KCNQ5: variants seen among roughly 807,000 people sequenced by gnomAD.
KCNQ5 encodes the protein potassium voltage-gated channel subfamily KQT member 5.
In KCNQ5, 30 loss-of-function variants were observed where a neutral mutation model predicts 98.2. The ratio of observed to expected loss-of-function variants is 0.31; its 90% CI spans 0.23 to 0.41. The LOEUF (loss-of-function observed/expected upper bound fraction) is 0.41, where lower values mean the gene tolerates loss of function less well. Ranked by LOEUF, KCNQ5 falls within the 10% of genes least tolerant of loss-of-function variation. The probability of loss-of-function intolerance (pLI) is 1.00; values close to 1 mark genes in which losing one functional copy is unlikely to be tolerated. For missense variants in KCNQ5, 835 were observed against 1,182.5 expected (o/e 0.71, Z 4.31); for synonymous variants, 458 against 449.4 (o/e 1.02, Z -0.24).
chr6:73,012,517 C>T (rs1770115360), intron 2 of KCNQ5, among the ~76,000 whole-genome samples: 1 of 151,910 alleles, frequency 6.6e-6, no homozygotes. Flanking sequence ...TTCAGCATTA[C>T]AAGAAGAAAA....
chr6:72,693,148 G>A (rs1364626500), intron 1 of KCNQ5, among the ~76,000 whole-genome samples: 2 of 152,102 alleles, frequency 1.3e-5, no homozygotes, highest in Non-Finnish European at 2.9e-5. Context: ...GGAAATGGGT[G>A]GGAGAACCCA....
chr6:72,680,618 ATAGATAACCATTTTT>A (rs1462452117), intron 1 of KCNQ5, among the ~76,000 whole-genome samples: 1 of 152,216 alleles, frequency 6.6e-6, no homozygotes, highest in East Asian at 1.9e-4. Flanking sequence ...TATTTAGGCA[ATAGATAACCATTTTT>A]TTACTCGTTA....
intron 2 of KCNQ5, among the ~76,000 whole-genome samples, chr6:73,029,899 C>T (rs1335192390): frequency 3.0e-5 from 3 of 100,112 alleles, no homozygotes; most frequent in African/African-American, 1.0e-4. Context: ...AGCCAGACTC[C>T]GTCTCAAAAA....
chr6:72,937,600 G>C (rs1034587018), intron 1 of KCNQ5, among the ~76,000 whole-genome samples: 34 of 152,158 alleles, frequency 2.2e-4, no homozygotes, highest in African/African-American at 8.2e-4. Context: ...AAAGCAGGTG[G>C]ATTGTGCATC....
chr6:72,720,917 T>G (rs927059703), intron 1 of KCNQ5, among the ~76,000 whole-genome samples: 1 of 152,226 alleles, frequency 6.6e-6, no homozygotes, highest in African/African-American at 2.4e-5. Context: ...TAAATGATTG[T>G]AGATTTTATA....
intron 2 of KCNQ5, among the ~76,000 whole-genome samples, chr6:73,012,900 A>C (rs1770151387): frequency 6.6e-6 from 1 of 152,040 alleles, no homozygotes; most frequent in Non-Finnish European, 1.5e-5. Flanking sequence ...CCTACTTCAT[A>C]AGGCTGATGT....
chr6:72,941,666 CTCTTTCTTTCTTTCTTTCTT>C lies in KCNQ5; in HGVS notation c.399-62176_399-62157del, dbSNP rs11266961. Among the ~76,000 whole-genome samples, 125 of 83,152 alleles carry C rather than the reference CTCTTTCTTTCTTTCTTTCTT, an allele frequency of 1.5e-3. 2 individuals are homozygous for C. The highest frequency in any genetic ancestry group is 3.5e-3 in the African/African-American group (72 of 20,440). 54.6% of individuals were successfully genotyped at this position (83,152 alleles called of 152,430 possible). A position where few individuals can be genotyped will look rare whatever the true frequency, so the allele number is the denominator to read the frequency against. On this transcript the variant is annotated intron_variant, in intron 1 of 13. Transcript: ENST00000370398. ...TCCCCACCCGCACCTCCCTCCCCAT[CTCTTTCTTTCTTTCTTTCTT>C]TCTTTCTTTCTTTCTTTCTTTCTTT...
chr6:72,927,174 C>T (rs1441591417), intron 1 of KCNQ5, among the ~76,000 whole-genome samples: 1 of 152,156 alleles, frequency 6.6e-6, no homozygotes, highest in Non-Finnish European at 1.5e-5. Flanking sequence ...ATAGGTGTTT[C>T]AGTAGTACTT....
At chr6:72,943,500 C>T (rs1295312806) in intron 1 of KCNQ5, among the ~76,000 whole-genome samples, 1 of 152,168 alleles carries the variant, frequency 6.6e-6, no homozygotes, top group Non-Finnish European at 1.5e-5. Flanking sequence ...AACACCTGTA[C>T]TTATTCATCA....
At chr6:73,103,419 G>C (rs528498244) in intron 5 of KCNQ5, among the ~76,000 whole-genome samples, 1 of 152,142 alleles carries the variant, frequency 6.6e-6, no homozygotes, top group East Asian at 1.9e-4. Context: ...CTCATTCATA[G>C]GTGGGAATTG....
intron 1 of KCNQ5, among the ~76,000 whole-genome samples, chr6:72,813,797 A>G (rs1337448101): frequency 6.6e-6 from 1 of 152,202 alleles, no homozygotes; most frequent in Non-Finnish European, 1.5e-5. Flanking sequence ...CTATGTAAAT[A>G]GTTGTTTTAC....
intron 1 of KCNQ5, among the ~76,000 whole-genome samples, chr6:72,784,913 A>G (rs1033675310): frequency 6.6e-6 from 1 of 152,170 alleles, no homozygotes; most frequent in African/African-American, 2.4e-5. Context: ...TGGATTAACC[A>G]TTATGAGTCA....
intron 1 of KCNQ5, among the ~76,000 whole-genome samples, chr6:72,810,256 A>G (rs965657321): frequency 6.6e-6 from 1 of 152,174 alleles, no homozygotes; most frequent in Non-Finnish European, 1.5e-5. Flanking sequence ...TATTTGGTAA[A>G]CTTTGTTACT....
intron 1 of KCNQ5, among the ~76,000 whole-genome samples, chr6:72,631,927 A>G (rs1284556399): frequency 6.6e-6 from 1 of 152,164 alleles, no homozygotes; most frequent in East Asian, 1.9e-4. Context: ...AACCCTAATA[A>G]GTAATATTAG....
chr6:73,193,647 C>T (rs1044532377), intron 13 of KCNQ5, among the ~76,000 whole-genome samples: 2 of 150,056 alleles, frequency 1.3e-5, no homozygotes, highest in African/African-American at 4.9e-5. Context: ...ATAAAAAATA[C>T]TTCATATATT....
chr6:73,105,235 A>T (rs780992183), intron 5 of KCNQ5, 22 bp from the exon 6 acceptor site: 1 of 1,425,150 alleles, frequency 7.0e-7, no homozygotes, highest in South Asian at 1.2e-5. Flanking sequence ...TAAGCTGCAC[A>T]TTCTATTTAT....
intron 1 of KCNQ5, among the ~76,000 whole-genome samples, chr6:72,903,910 CT>C (rs1779602509): frequency 6.6e-6 from 1 of 152,134 alleles, no homozygotes. Flanking sequence ...GATGACCTGT[CT>C]AGTGCTGTCA....
rs75193774 is a variant in KCNQ5, at chr6:72,898,139, C to T, written c.399-105769C>T. 4.9e-3 allele frequency among the ~76,000 whole-genome samples: 744 copies of T among 152,052 alleles called. 6 individuals are homozygous for T. Among genetic ancestry groups the T allele is most frequent in the Non-Finnish European group, 6.6e-3 (448 of 67,984 alleles). ...AATGTCTGTATACATGAGGGGGAAA[C>T]GTTTGTGTAATGAGATTTTTTTTTT... is the stretch of plus-strand genomic sequence containing the variant. On this transcript the variant is annotated intron_variant, in intron 1 of 13. Coordinates refer to ENST00000370398, the MANE Select transcript of KCNQ5 (RefSeq NM_019842.4).
At chr6:72,715,433 T>A (rs1217036298) in intron 1 of KCNQ5, among the ~76,000 whole-genome samples, 1 of 152,202 alleles carries the variant, frequency 6.6e-6, no homozygotes. Flanking sequence ...CTTGTTATGC[T>A]TTAGGCTCTC....
Sources: allele counts gnomAD v4.1 joint callset (sites outside exome capture counted in the v4.1 genomes callset), GRCh38; gene constraint gnomAD v4.1.1; transcripts MANE v1.5; gene names NCBI Gene and HGNC (gene_info 2026-07-23, HGNC 2026-07-21).